MET: variants seen among roughly 807,000 people sequenced by gnomAD.
MET encodes MET proto-oncogene, receptor tyrosine kinase.
A neutral mutation model predicts 133.1 loss-of-function variants in MET; 48 were observed. The observed-to-expected ratio is 0.36, with a 90% CI of 0.29 to 0.46. The LOEUF (loss-of-function observed/expected upper bound fraction) is 0.46, where lower values mean the gene tolerates loss of function less well. Ranked by LOEUF, MET falls within the 20% of genes least tolerant of loss-of-function variation. The pLI, the probability that MET is intolerant of heterozygous loss-of-function variation, is 1.00. For synonymous variants in MET, 628 were observed against 616.5 expected (o/e 1.02, Z -0.28); for missense variants, 1,442 against 1,695.9 (o/e 0.85, Z 2.63).
chr7:116,698,265 C>T (rs1797037578), intron 1 of MET, among the ~76,000 whole-genome samples: 1 of 152,138 alleles, frequency 6.6e-6, no homozygotes, highest in Admixed American at 6.5e-5. Context: ...TATATGCATA[C>T]AATGAAATGT....
Position 116,781,990 on chromosome 7 carries a change from T to C in MET, c.3525T>C (p.Asn1175=). 11 of 1,606,786 alleles carry C rather than the reference T, an allele frequency of 6.8e-6. No individual in the cohort carries two copies. Among genetic ancestry groups the C allele is most frequent in the Non-Finnish European group, 9.4e-6 (11 of 1,173,626 alleles). ...LRNFIRNETH[N]PTVKDLIGFG... is the part of the protein sequence containing the mutation. ...TTTCTAACTCTCTTTGACTGCAGAA[T>C]CCAACTGTAAAAGATCTTATTGGCT... Residue 1175 remains asparagine (N), a splice_region_variant and synonymous_variant, in exon 18 of 21, where the codon AAT becomes AAC. Transcript: ENST00000397752.
At chr7:116,693,744 G>C (rs553197725) in intron 1 of MET, among the ~76,000 whole-genome samples, 115 of 152,288 alleles carry the variant, frequency 7.6e-4, no homozygotes, top group African/African-American at 2.5e-3. Flanking sequence ...CATTTGGAAA[G>C]CGTTTTATTT....
At chr7:116,731,184 T>A (rs1792988494) in intron 2 of MET, among the ~76,000 whole-genome samples, 1 of 152,212 alleles carries the variant, frequency 6.6e-6, no homozygotes, top group Non-Finnish European at 1.5e-5. Flanking sequence ...GTCAGTGCTC[T>A]GTGGCCTCCC....
At chr7:116,727,575 C>A (rs1248685739) in intron 2 of MET, among the ~76,000 whole-genome samples, 2 of 152,148 alleles carry the variant, frequency 1.3e-5, no homozygotes, top group Non-Finnish European at 2.9e-5. Context: ...GCTCTTTAGA[C>A]TCTTCTGCAG....
intron 3 of MET, among the ~76,000 whole-genome samples, chr7:116,735,951 A>G (rs1374030949): frequency 6.6e-6 from 1 of 151,720 alleles, no homozygotes. Flanking sequence ...TAATTTTTGT[A>G]CTTTTAGTAG....
chr7:116,735,864 C>T (rs1738732277), intron 3 of MET, among the ~76,000 whole-genome samples: 1 of 151,292 alleles, frequency 6.6e-6, no homozygotes, highest in Admixed American at 6.6e-5. Flanking sequence ...GTAACCCCCA[C>T]CTCCAGTATT....
chr7:116,706,541 T>C (rs1317729018), intron 2 of MET, among the ~76,000 whole-genome samples: 1 of 152,132 alleles, frequency 6.6e-6, no homozygotes, highest in Non-Finnish European at 1.5e-5. Context: ...AATGTATATT[T>C]TTACTCCGAA....
chr7:116,699,001 G>A lies in MET; in HGVS notation c.-14-70G>A, dbSNP rs745995913. 106 of 1,602,418 alleles carry A rather than the reference G, an allele frequency of 6.6e-5. 1 individual carries two copies. The highest frequency in any genetic ancestry group is 8.6e-5 in the Non-Finnish European group (101 of 1,174,294). ...AGCTTTATTTCTGATAGATTAAATG[G>A]TATAGGTCTTTCAGTTTTCTCTTCA... On this transcript the variant is annotated intron_variant, in intron 1 of 20. Transcript: ENST00000397752.
chr7:116,674,535 C>A (rs1179228324), intron 1 of MET, among the ~76,000 whole-genome samples: 1 of 152,060 alleles, frequency 6.6e-6, no homozygotes, highest in Admixed American at 6.5e-5. Flanking sequence ...TATTATCCTT[C>A]TGCAGATCTA....
intron 2 of MET, among the ~76,000 whole-genome samples, chr7:116,717,970 A>G (rs1584897463): frequency 6.6e-6 from 1 of 152,220 alleles, no homozygotes. Flanking sequence ...CTAAAGGAAG[A>G]CTAGATTAAT....
chr7:116,685,345 T>A (rs1796512282), intron 1 of MET, among the ~76,000 whole-genome samples: 1 of 152,102 alleles, frequency 6.6e-6, no homozygotes, highest in South Asian at 2.1e-4. Context: ...GACTCAAACA[T>A]CCAACTGCAT....
intron 2 of MET, among the ~76,000 whole-genome samples, chr7:116,728,494 G>T (rs192428094): frequency 7.4e-4 from 112 of 152,290 alleles, no homozygotes; most frequent in African/African-American, 2.4e-3. Context: ...TAAAGTTCTG[G>T]TTGTATTGCT....
At chr7:116,761,805 C>G (rs942704772) in intron 10 of MET, among the ~76,000 whole-genome samples, 1 of 152,016 alleles carries the variant, frequency 6.6e-6, no homozygotes, top group Non-Finnish European at 1.5e-5. Context: ...TCAGTTTTAT[C>G]TGCTGCCTAT....
intron 19 of MET, 147 bp from the exon 20 acceptor site, chr7:116,795,508 A>G (rs1018297828): frequency 3.1e-6 from 3 of 974,580 alleles, no homozygotes; most frequent in Non-Finnish European, 4.9e-6. Context: ...GTATAGCTTA[A>G]TAATTGCCTT....
At chr7:116,793,436 A>G (rs1207145111) in intron 19 of MET, among the ~76,000 whole-genome samples, 1 of 151,238 alleles carries the variant, frequency 6.6e-6, no homozygotes, top group East Asian at 2.0e-4. Context: ...CCGCCTCCCA[A>G]AGTGCTGGGA....
chr7:116,702,116 A>G (rs1040953976), intron 2 of MET, among the ~76,000 whole-genome samples: 6 of 152,170 alleles, frequency 3.9e-5, no homozygotes, highest in African/African-American at 1.4e-4. Context: ...AGACAAACAG[A>G]CAGGATTAGC....
chr7:116,758,818 C>T (rs893026003), intron 9 of MET, among the ~76,000 whole-genome samples, 198 bp downstream of exon 9: 4 of 152,146 alleles, frequency 2.6e-5, no homozygotes, highest in Admixed American at 2.6e-4. Flanking sequence ...TAGTTCATTC[C>T]AAGAAGTATC....
chr7:116,756,988 G>A (rs1794202588), intron 6 of MET, among the ~76,000 whole-genome samples: 1 of 151,952 alleles, frequency 6.6e-6, no homozygotes, highest in Admixed American at 6.6e-5. Flanking sequence ...CAGCACTTTG[G>A]CAGACCAAGG....
intron 19 of MET, among the ~76,000 whole-genome samples, chr7:116,789,925 C>T (rs1156316060): frequency 6.6e-6 from 1 of 152,174 alleles, no homozygotes; most frequent in Non-Finnish European, 1.5e-5. Context: ...GGGTATTAAG[C>T]TCGGCATGCA....
Sources: gnomAD v4.1 joint callset for allele counts (sites outside exome capture counted in the v4.1 genomes callset) on GRCh38, gnomAD v4.1.1 for gene constraint, MANE v1.5 for transcripts, NCBI Gene and HGNC (gene_info 2026-07-23, HGNC 2026-07-21) for gene names.